NDRG2: variants seen among roughly 807,000 people sequenced by gnomAD.
The protein encoded by NDRG2 is protein NDRG2.
A neutral mutation model predicts 58.2 loss-of-function variants in NDRG2; 34 were observed. That is an observed-to-expected ratio of 0.58 (90% CI 0.44 to 0.78). The LOEUF (loss-of-function observed/expected upper bound fraction) is 0.78. Among genes scored for constraint, NDRG2 ranks in the 30% least tolerant of loss-of-function variants. The pLI, the probability that NDRG2 is intolerant of heterozygous loss-of-function variation, is 0.00. For synonymous variants in NDRG2, 187 were observed against 175.9 expected (o/e 1.06, Z -0.50); for missense variants, 434 against 471.2 (o/e 0.92, Z 0.73).
At chr14:21,051,037 A>G (rs149641243) in intron 1 of NDRG2, among the ~76,000 whole-genome samples, 2 of 152,354 alleles carry the variant, frequency 1.3e-5, no homozygotes, top group East Asian at 3.9e-4. Flanking sequence ...AATGCCTTAA[A>G]TTACTCCCCA....
intron 1 of NDRG2, chr14:21,034,140 C>T: frequency 6.2e-7 from 1 of 1,614,210 alleles, no homozygotes; most frequent in Non-Finnish European, 8.5e-7. Context: ...ATTACAATAG[C>T]CCCGGAAACC....
At chr14:21,031,559 G>T (rs575079613) in intron 1 of NDRG2, among the ~76,000 whole-genome samples, 2 of 152,250 alleles carry the variant, frequency 1.3e-5, no homozygotes, top group South Asian at 4.1e-4. Flanking sequence ...TGAACTAAAA[G>T]CTCTTTCTAC....
intron 1 of NDRG2, among the ~76,000 whole-genome samples, chr14:21,052,654 G>T (rs899625539): frequency 6.6e-6 from 1 of 152,198 alleles, no homozygotes; most frequent in Admixed American, 6.5e-5. Flanking sequence ...CTGGACGCAA[G>T]GTGAGTAGGA....
At chr14:21,049,300 G>A (rs1417555098) in intron 1 of NDRG2, among the ~76,000 whole-genome samples, 1 of 152,072 alleles carries the variant, frequency 6.6e-6, no homozygotes, top group African/African-American at 2.4e-5. Flanking sequence ...CCATTTTCTG[G>A]TTCATTTTTC....
chr14:21,059,143 G>A (rs1471750887), intron 1 of NDRG2, among the ~76,000 whole-genome samples: 1 of 152,180 alleles, frequency 6.6e-6, no homozygotes, highest in African/African-American at 2.4e-5. Context: ...TGACCCCCTT[G>A]TGTGTGCGCA....
intron 1 of NDRG2, among the ~76,000 whole-genome samples, chr14:21,069,081 T>G (rs1886463690): frequency 6.6e-6 from 1 of 152,180 alleles, no homozygotes; most frequent in African/African-American, 2.4e-5. Flanking sequence ...CTTTCCGATC[T>G]CCTCTCCTCT....
At chr14:21,046,420 G>T (rs2139122059) in intron 1 of NDRG2, among the ~76,000 whole-genome samples, 1 of 152,166 alleles carries the variant, frequency 6.6e-6, no homozygotes, top group East Asian at 1.9e-4. Flanking sequence ...TACTCCAGAG[G>T]CTGAGGTGGC....
chr14:21,070,297 CT>C lies in NDRG2; in HGVS notation c.24+530del. Reference sequence around the variant, plus strand: ...GCCGCCACCGCGGCCGGAGCTGTCCCTTAGCCAGACCCGGCGAGACACGAGC... The same window carrying C: ...GCCGCCACCGCGGCCGGAGCTGTCCCTAGCCAGACCCGGCGAGACACGAGC... On this transcript the variant is annotated intron_variant, in intron 1 of 14. Transcript: ENST00000403829. This position sits in a 1 kb window ranked among gnomAD's most constrained non-coding sequence, Gnocchi z 4.7. 1.5e-6 allele frequency: 2 copies of C among 1,326,772 alleles called. No individual in the cohort carries two copies. The highest frequency in any genetic ancestry group is 1.7e-5 in the South Asian group (1 of 59,500). The allele number at this position is 1,326,772 out of a possible 1,614,324, so 82.2% of individuals were successfully genotyped here.
intron 1 of NDRG2, among the ~76,000 whole-genome samples, chr14:21,069,138 C>T (rs58377090): frequency 0.038 from 5,773 of 152,314 alleles, 110 homozygotes; most frequent in South Asian, 0.077. Flanking sequence ...GCGGGGCTTC[C>T]CGGTGCCTGC....
At chr14:21,033,036 G>A (rs3748348) in intron 1 of NDRG2, 164,231 of 450,934 alleles carry the variant, frequency 0.36, 32,298 homozygotes, top group African/African-American at 0.56. Context: ...GGATTTGGGA[G>A]GAGCTTCTGG....
chr14:21,065,265 A>T (rs1387090086), intron 1 of NDRG2, among the ~76,000 whole-genome samples: 1 of 152,066 alleles, frequency 6.6e-6, no homozygotes, highest in Non-Finnish European at 1.5e-5. Context: ...CAAACAAAAA[A>T]AACCTCATGA....
chr14:21,070,864 C>G lies in NDRG2; in HGVS notation c.-13G>C, dbSNP rs529956571. On this transcript the variant is annotated 5_prime_UTR_variant, in exon 1 of 15. Coordinates refer to the NDRG2 transcript ENST00000403829. This position sits in a 1 kb window ranked among gnomAD's most constrained non-coding sequence, Gnocchi z 4.7. ...CACCATTTTCCATCCCTGTCCCCAA[C>G]CCGGTGAGGCAGGCCCACCCATCCG... The G allele has an allele frequency of 1.4e-5, 22 of 1,535,646 alleles. No homozygotes were observed. In the Admixed American group the frequency reaches 2.2e-4, roughly 15 times the overall value.
chr14:21,021,354 AG>A, intron 6 of NDRG2: 1 of 338,116 alleles, frequency 3.0e-6, no homozygotes. Flanking sequence ...AACAGCACCC[AG>A]GGGCCAGCAC....
chr14:21,061,293 G>C (rs1170170581), intron 1 of NDRG2, among the ~76,000 whole-genome samples: 1 of 152,226 alleles, frequency 6.6e-6, no homozygotes, highest in East Asian at 1.9e-4. Flanking sequence ...TGTGGCCCCG[G>C]AAGCTGGGAA....
intron 1 of NDRG2, among the ~76,000 whole-genome samples, chr14:21,039,569 A>G (rs1408492749): frequency 6.6e-6 from 1 of 152,228 alleles, no homozygotes; most frequent in Non-Finnish European, 1.5e-5. Context: ...AATGCAGTGA[A>G]GCCAAAATAG....
rs1262617512 is a variant in NDRG2, at chr14:21,070,557, T to C, written c.24+271A>G. Among the ~76,000 whole-genome samples the C allele has an allele frequency of 6.6e-6, 1 of 152,010 alleles. No homozygotes were observed. The highest frequency in any genetic ancestry group is 1.5e-5 in the Non-Finnish European group (1 of 67,986). Reference sequence around the variant, plus strand: ...CATCCCCCCTTCTTCGATTTGTCTGTCTGCCCGACTGTTTAGCTCTGTCCC... The same window carrying C: ...CATCCCCCCTTCTTCGATTTGTCTGCCTGCCCGACTGTTTAGCTCTGTCCC... On this transcript the variant is annotated intron_variant, in intron 1 of 14. Transcript: ENST00000403829. This position sits in a 1 kb window ranked among gnomAD's most constrained non-coding sequence, Gnocchi z 4.7.
At chr14:21,069,730 T>A (rs1489546810) in intron 1 of NDRG2, among the ~76,000 whole-genome samples, 1 of 150,516 alleles carries the variant, frequency 6.6e-6, no homozygotes, top group East Asian at 2.0e-4. Flanking sequence ...CCCCGGGGGG[T>A]TGGGGAATCC....
At position 21,052,015 on chromosome 14, in the gene NDRG2, C is replaced by T. The variant is rs554041575; in HGVS notation, c.24+18813G>A. On this transcript the variant is annotated intron_variant, in intron 1 of 14. Coordinates refer to the NDRG2 transcript ENST00000403829. ...GCACCTTCAGAGTCTACTATTAGGC[C>T]TCTCCTTCATACTAGTAAGGTGCTG... is the stretch of plus-strand genomic sequence containing the variant. Among the ~76,000 whole-genome samples, 4 of 152,308 alleles carry T rather than the reference C, an allele frequency of 2.6e-5. No homozygotes were observed. In the South Asian group the frequency reaches 8.3e-4, roughly 32 times the overall value.
At chr14:21,069,563 C>G (rs1011167184) in intron 1 of NDRG2, among the ~76,000 whole-genome samples, 1 of 152,224 alleles carries the variant, frequency 6.6e-6, no homozygotes, top group Non-Finnish European at 1.5e-5. Context: ...ATCCGGGAAC[C>G]CTGCCCCCTT....
Sources: allele counts gnomAD v4.1 joint callset (sites outside exome capture counted in the v4.1 genomes callset), GRCh38; gene constraint gnomAD v4.1.1; non-coding constraint Gnocchi (gnomAD v3.1); transcripts MANE v1.5; gene names NCBI Gene and HGNC (gene_info 2026-07-23, HGNC 2026-07-21).